MYO1D: variants seen among roughly 807,000 people sequenced by gnomAD.
The protein encoded by MYO1D is unconventional myosin-Id.
Under a neutral mutation model 122.0 loss-of-function variants are expected in MYO1D, and 83 were observed. That is an observed-to-expected ratio of 0.68 (90% confidence interval 0.57 to 0.82). MYO1D has a LOEUF of 0.82. Among genes scored for constraint, MYO1D ranks in the 40% least tolerant of loss-of-function variants. The probability of loss-of-function intolerance (pLI) is 0.00; values close to 1 mark genes in which losing one functional copy is unlikely to be tolerated. For missense variants in MYO1D, 1,157 were observed against 1,269.5 expected, an observed-to-expected ratio of 0.91 and a Z score of 1.35; for synonymous variants, 464 against 446.9, an observed-to-expected ratio of 1.04 and a Z score of -0.48.
chr17:32,528,269 G>C (rs919553005), intron 21 of MYO1D, among the ~76,000 whole-genome samples: 1 of 152,216 alleles, frequency 6.6e-6, no homozygotes, highest in African/African-American at 2.4e-5. Context: ...GCGATGTCTA[G>C]CCTCCTCTGC....
intron 21 of MYO1D, among the ~76,000 whole-genome samples, chr17:32,521,365 A>G (rs1212815716): frequency 6.6e-6 from 1 of 152,180 alleles, no homozygotes; most frequent in Non-Finnish European, 1.5e-5. Flanking sequence ...GTGAAGAGTA[A>G]AGCAGTCTTT....
chr17:32,876,170 A>C (rs1961507382), intron 1 of MYO1D, among the ~76,000 whole-genome samples: 1 of 152,168 alleles, frequency 6.6e-6, no homozygotes, highest in South Asian at 2.1e-4. Context: ...AACGTGTCTA[A>C]TTACGTTTAG....
In MYO1D at chr17:32,721,204, C is replaced by A; in HGVS notation, c.1747-15G>T. On this transcript the variant is annotated splice_polypyrimidine_tract_variant and intron_variant, in intron 14 of 21. Coordinates refer to ENST00000318217, the MANE Select transcript of MYO1D (RefSeq NM_015194.3). ...TAATATGGTTCCTAAAGAAATAAAT[C>A]AGCAAATGGTAAGTTTCACTGGAGA... is the stretch of plus-strand genomic sequence containing the variant. 1 of 1,609,904 alleles carries A rather than the reference C, an allele frequency of 6.2e-7. No individual in the cohort carries two copies. Among genetic ancestry groups the A allele is most frequent in the Non-Finnish European group, 8.5e-7 (1 of 1,177,240 alleles).
chr17:32,548,895 G>C (rs1394237412), intron 21 of MYO1D, among the ~76,000 whole-genome samples: 1 of 151,472 alleles, frequency 6.6e-6, no homozygotes, highest in Non-Finnish European at 1.5e-5. Context: ...TGTATTTTTA[G>C]TAGAGATGGG....
intron 16 of MYO1D, 62 bp downstream of exon 16, chr17:32,711,926 G>A (rs971616304): frequency 4.5e-6 from 6 of 1,319,132 alleles, no homozygotes; most frequent in Admixed American, 2.1e-5. Flanking sequence ...AAGAAAATAT[G>A]CAACAAATTT....
intron 1 of MYO1D, among the ~76,000 whole-genome samples, chr17:32,861,964 G>T (rs1221764273): frequency 6.6e-6 from 1 of 152,202 alleles, no homozygotes; most frequent in Non-Finnish European, 1.5e-5. Context: ...GTTGCAGTGA[G>T]CTGAGATTGT....
chr17:32,520,722 G>T (rs952250312), intron 21 of MYO1D, among the ~76,000 whole-genome samples: 14 of 152,312 alleles, frequency 9.2e-5, no homozygotes, highest in Admixed American at 4.6e-4. Flanking sequence ...ATGATGCTAC[G>T]TCCATCCTAA....
chr17:32,518,219 A>G lies in MYO1D; in HGVS notation c.2865-23304T>C, dbSNP rs1909968336. 1.5e-5 allele frequency: 3 copies of G among 194,020 alleles called. No individual in the cohort carries two copies. The South Asian group carries it at 2.0e-4, about 13-fold the overall frequency. The allele number at this position is 194,020 out of a possible 1,614,324, so 12.0% of individuals were successfully genotyped here. On this transcript the variant is annotated intron_variant, in intron 21 of 21. Coordinates refer to ENST00000318217, the MANE Select transcript of MYO1D (RefSeq NM_015194.3). ...TCTTTCGTCAACAAACATTGGCTAA[A>G]GCCTGTGTGTCAGCCCTTGTGGAAC...
At chr17:32,769,579 A>G (rs2090093629) in intron 6 of MYO1D, among the ~76,000 whole-genome samples, 1 of 151,996 alleles carries the variant, frequency 6.6e-6, no homozygotes, top group Non-Finnish European at 1.5e-5. Context: ...AAAAATTATT[A>G]TATTAATTTA....
chr17:32,828,121 G>T (rs2090738680), intron 1 of MYO1D, among the ~76,000 whole-genome samples: 1 of 152,220 alleles, frequency 6.6e-6, no homozygotes, highest in Non-Finnish European at 1.5e-5. Flanking sequence ...GGAAGCCAGG[G>T]ATACTAATGG....
At position 32,638,830 on chromosome 17, in the gene MYO1D, A is replaced by G; in HGVS notation, c.2601T>C (p.Asn867=). The change falls in exon 20 of 22, where the codon AAT becomes AAC. Residue 867 remains asparagine, a synonymous_variant. Transcript: ENST00000318217. ...VLFSCHVRKV[N]RFSKVEDRAI... is the part of the protein sequence containing the mutation. Reference sequence around the variant, plus strand: ...CTCTGTCTTCCACCTTACTAAATCGATTTACCTGTAAGAGAACAAACCAAT... The same window carrying G: ...CTCTGTCTTCCACCTTACTAAATCGGTTTACCTGTAAGAGAACAAACCAAT... 1 of 1,607,634 alleles carries G rather than the reference A, an allele frequency of 6.2e-7. No homozygotes were observed. The highest frequency in any genetic ancestry group is 8.5e-7 in the Non-Finnish European group (1 of 1,174,196).
chr17:32,872,928 C>T (rs1280793895), intron 1 of MYO1D, among the ~76,000 whole-genome samples: 4 of 151,478 alleles, frequency 2.6e-5, no homozygotes, highest in African/African-American at 9.7e-5. Context: ...GATCTCCTGA[C>T]CTCATGATCC....
intron 1 of MYO1D, among the ~76,000 whole-genome samples, chr17:32,855,060 T>C (rs192795679): frequency 2.0e-5 from 3 of 152,342 alleles, no homozygotes; most frequent in Admixed American, 2.0e-4. Flanking sequence ...AATTGTTGGT[T>C]CCATCCCCAT....
intron 21 of MYO1D, among the ~76,000 whole-genome samples, chr17:32,514,895 T>C (rs547962821): frequency 6.6e-6 from 1 of 152,324 alleles, no homozygotes; most frequent in Admixed American, 6.5e-5. Flanking sequence ...GTGGGAAGAA[T>C]ACAAGGTTTG....
At chr17:32,755,831 T>C in intron 10 of MYO1D, 169 bp from the exon 11 acceptor site, 1 of 519,680 alleles carries the variant, frequency 1.9e-6, no homozygotes, top group Non-Finnish European at 3.3e-6. Context: ...CTAACAGAGG[T>C]TTATTTTTAA....
intron 1 of MYO1D, among the ~76,000 whole-genome samples, chr17:32,834,598 T>C (rs2090804002): frequency 6.6e-6 from 1 of 152,222 alleles, no homozygotes; most frequent in Admixed American, 6.5e-5. Context: ...TCCTACATCA[T>C]CTGCCACTTG....
At chr17:32,597,976 G>C (rs986415483) in intron 21 of MYO1D, among the ~76,000 whole-genome samples, 1 of 151,918 alleles carries the variant, frequency 6.6e-6, no homozygotes, top group East Asian at 1.9e-4. Flanking sequence ...CTCTTATTTG[G>C]AAATGGTTTT....
At chr17:32,718,271 C>T (rs1484043799) in intron 15 of MYO1D, among the ~76,000 whole-genome samples, 2 of 152,108 alleles carry the variant, frequency 1.3e-5, no homozygotes, top group Admixed American at 6.5e-5. Flanking sequence ...CAGAGAGTTC[C>T]CCCATTCTGC....
chr17:32,774,633 T>A (rs1399592887), intron 4 of MYO1D, among the ~76,000 whole-genome samples: 1 of 152,158 alleles, frequency 6.6e-6, no homozygotes, highest in Non-Finnish European at 1.5e-5. Context: ...GTTCAAAATA[T>A]GAGTTCATTC....
Sources: gnomAD v4.1 joint callset for allele counts (sites outside exome capture counted in the v4.1 genomes callset) on GRCh38, gnomAD v4.1.1 for gene constraint, MANE v1.5 for transcripts, NCBI Gene and HGNC (gene_info 2026-07-23, HGNC 2026-07-21) for gene names.